Variants in AGBL1 observed in about 807,000 individuals in gnomAD.
AGBL1 encodes the protein cytosolic carboxypeptidase 4.
In AGBL1, 130 loss-of-function variants were observed where a neutral mutation model predicts 118.9. That is an observed-to-expected ratio of 1.09 (90% CI 0.95 to 1.26). The LOEUF (loss-of-function observed/expected upper bound fraction) is 1.26. Among genes scored for constraint, AGBL1 ranks in the 50% most tolerant of loss-of-function variants. The pLI, the probability that AGBL1 is intolerant of heterozygous loss-of-function variation, is 0.00. For missense variants in AGBL1, 1,584 were observed against 1,298.1 expected (o/e 1.22, Z -3.38); for synonymous variants, 555 against 478.9 (o/e 1.16, Z -2.08).
At chr15:86,785,302 C>G (rs1282026454) in intron 22 of AGBL1, among the ~76,000 whole-genome samples, 1 of 150,708 alleles carries the variant, frequency 6.6e-6, no homozygotes, top group South Asian at 2.1e-4. Flanking sequence ...CCGTCGGAAT[C>G]CTTTAGGACT....
At chr15:86,935,225 C>G (rs2080654462) in intron 23 of AGBL1, 1 of 151,972 alleles carries the variant, frequency 6.6e-6, no homozygotes, top group African/African-American at 2.4e-5. Flanking sequence ...TGTTGTGACC[C>G]CAGAGATCAA....
chr15:86,842,818 G>A (rs1186325646), intron 22 of AGBL1, among the ~76,000 whole-genome samples: 2 of 152,166 alleles, frequency 1.3e-5, no homozygotes, highest in Non-Finnish European at 2.9e-5. Flanking sequence ...GAGGCCTGGT[G>A]ATTAGACCTG....
chr15:86,743,836 G>A (rs955159580), intron 22 of AGBL1, among the ~76,000 whole-genome samples: 1 of 151,846 alleles, frequency 6.6e-6, no homozygotes, highest in African/African-American at 2.4e-5. Flanking sequence ...ACCTAATATG[G>A]CCTTTCCAGT....
chr15:86,359,432 T>A (rs1478277386), intron 17 of AGBL1, among the ~76,000 whole-genome samples: 1 of 149,418 alleles, frequency 6.7e-6, no homozygotes, highest in African/African-American at 2.4e-5. Context: ...ATCGTGGTTT[T>A]TGTTACTGTA....
At chr15:86,692,275 T>C (rs2086185556) in intron 22 of AGBL1, among the ~76,000 whole-genome samples, 1 of 152,028 alleles carries the variant, frequency 6.6e-6, no homozygotes, top group Non-Finnish European at 1.5e-5. Context: ...ATCAAGCAGA[T>C]GGCACATGGC....
chr15:86,423,896 T>C (rs917165182), intron 18 of AGBL1, among the ~76,000 whole-genome samples: 3 of 152,000 alleles, frequency 2.0e-5, no homozygotes, highest in Non-Finnish European at 4.4e-5. Flanking sequence ...TATAAACAAA[T>C]GGAAAAACAA....
chr15:86,376,455 G>A (rs929216662), intron 17 of AGBL1, among the ~76,000 whole-genome samples: 3 of 152,218 alleles, frequency 2.0e-5, no homozygotes, highest in African/African-American at 7.2e-5. Context: ...AGATGCATAG[G>A]ACAGAGTCCA....
chr15:86,676,173 G>C (rs981116552), intron 22 of AGBL1, among the ~76,000 whole-genome samples: 1 of 152,256 alleles, frequency 6.6e-6, no homozygotes, highest in African/African-American at 2.4e-5. Context: ...CCTGAACACA[G>C]GATGTGATTA....
intron 18 of AGBL1, among the ~76,000 whole-genome samples, chr15:86,459,183 C>T (rs2082298981): frequency 6.6e-6 from 1 of 152,150 alleles, no homozygotes; most frequent in Admixed American, 6.5e-5. Flanking sequence ...TGAATAGTGC[C>T]CACCTCAAAG....
At chr15:86,296,545 G>C (rs2079645876) in intron 17 of AGBL1, 1 of 152,222 alleles carries the variant, frequency 6.6e-6, no homozygotes, top group African/African-American at 2.4e-5. Context: ...CTTCCCTGAT[G>C]AAGTGCTAGC....
At position 86,210,460 on chromosome 15, in the gene AGBL1, T is replaced by C. The variant is rs188769488; in HGVS notation, c.489-14454T>C. 1.2e-3 allele frequency among the ~76,000 whole-genome samples: 181 copies of C among 152,336 alleles called. 1 individual carries two copies. The highest frequency in any genetic ancestry group is 0.01 in the Middle Eastern group (3 of 294). On this transcript the variant is annotated intron_variant, in intron 5 of 22. Transcript: ENST00000614907. ...GTCACTTTCAGGTACACCAATCAAA[T>C]GTATATTTGGTCTTTCCCATAGTCC...
intron 1 of AGBL1, among the ~76,000 whole-genome samples, chr15:86,111,963 G>T (rs1260013802): frequency 2.0e-5 from 3 of 152,192 alleles, no homozygotes. Flanking sequence ...AACTGCGCCT[G>T]TGAGGGGTCT....
At chr15:86,456,035 T>C (rs1359698450) in intron 18 of AGBL1, among the ~76,000 whole-genome samples, 2 of 152,208 alleles carry the variant, frequency 1.3e-5, no homozygotes, top group African/African-American at 4.8e-5. Context: ...CTCATTGTCA[T>C]TCACTTCGAT....
chr15:86,632,298 G>A lies in AGBL1; in HGVS notation c.2995-41975G>A, dbSNP rs547260762. Among the ~76,000 whole-genome samples the A allele has an allele frequency of 4.5e-3, 594 of 130,772 alleles. 3 individuals carry two copies. The highest frequency in any genetic ancestry group is 0.016 in the African/African-American group (564 of 35,422). 85.8% of individuals were successfully genotyped at this position (130,772 alleles called of 152,430 possible). ...TTAAAAAAAAAAAAAAAAAAGGCTGGCCAGGTGCAGTGGCTTATGCCTGTA... is the reference window on the plus strand; with the variant it reads ...TTAAAAAAAAAAAAAAAAAAGGCTGACCAGGTGCAGTGGCTTATGCCTGTA... On this transcript the variant is annotated intron_variant, in intron 21 of 22. Transcript: ENST00000614907.
intron 22 of AGBL1, among the ~76,000 whole-genome samples, chr15:86,740,796 A>G (rs776673119): frequency 6.6e-6 from 1 of 152,196 alleles, no homozygotes; most frequent in Non-Finnish European, 1.5e-5. Flanking sequence ...AGTAAAAATC[A>G]AGTTTTAATA....
chr15:86,674,168 G>C, intron 21 of AGBL1, 105 bp from the exon 22 acceptor site: 2 of 1,065,228 alleles, frequency 1.9e-6, no homozygotes, highest in East Asian at 2.6e-5. Context: ...AATTCTCACT[G>C]TCTGAAAAAT....
chr15:86,234,281 G>A (rs559477382), intron 6 of AGBL1, among the ~76,000 whole-genome samples: 26 of 152,010 alleles, frequency 1.7e-4, no homozygotes, highest in Non-Finnish European at 3.4e-4. Flanking sequence ...GGCCGAGAGC[G>A]GTGGCTCATG....
At chr15:86,119,655 T>G (rs1450363859) in intron 1 of AGBL1, among the ~76,000 whole-genome samples, 2 of 148,584 alleles carry the variant, frequency 1.3e-5, no homozygotes, top group Admixed American at 6.8e-5. Context: ...GAAAAGTAGT[T>G]TGTGTGTGTG....
At chr15:86,922,607 A>C (rs1278495715) in intron 23 of AGBL1, among the ~76,000 whole-genome samples, 1 of 152,248 alleles carries the variant, frequency 6.6e-6, no homozygotes. Context: ...CATTTTAAAA[A>C]ACTAAACAGA....
Sources: gnomAD v4.1 joint callset for allele counts (sites outside exome capture counted in the v4.1 genomes callset) on GRCh38, gnomAD v4.1.1 for gene constraint, MANE v1.5 for transcripts, NCBI Gene and HGNC (gene_info 2026-07-23, HGNC 2026-07-21) for gene names.